NENF: variants seen among roughly 807,000 people sequenced by gnomAD.
NENF encodes neudesin.
A neutral mutation model predicts 14.8 loss-of-function variants in NENF; 6 were observed. The ratio of observed to expected loss-of-function variants is 0.40; its 90% confidence interval spans 0.22 to 0.80. NENF has a LOEUF of 0.80. Among genes scored for constraint, NENF ranks in the 30% least tolerant of loss-of-function variants. The pLI is 0.34. For missense variants in NENF, 184 were observed against 212.7 expected (o/e 0.87, Z 0.84); for synonymous variants, 76 against 95.1 (o/e 0.80, Z 1.17).
rs1365733385 is a variant in NENF at position 212,433,888 on chromosome 1, C to T, written c.177+768C>T. ...TGATATTAGATGTGGAGCGGGGGAA[C>T]GGCATTGGGGGGAGGTCATAGTACC... On this transcript the variant is annotated intron_variant, in intron 1 of 3. Coordinates refer to ENST00000366988, the MANE Select transcript of NENF (RefSeq NM_013349.5). The surrounding 1 kb of genome is among the most constrained non-coding windows in gnomAD (Gnocchi z 5.5). Among the ~76,000 whole-genome samples the T allele has an allele frequency of 1.3e-5, 2 of 152,048 alleles. No homozygotes were observed. Among genetic ancestry groups the T allele is most frequent in the African/African-American group, 4.8e-5 (2 of 41,386 alleles).
Position 212,433,010 on chromosome 1 carries a change from G to T in NENF, c.67G>T (p.Ala23Ser). 8.6e-7 allele frequency: 1 copy of T among 1,166,444 alleles called. No individual in the cohort carries two copies. Among genetic ancestry groups the T allele is most frequent in the Non-Finnish European group, 1.1e-6 (1 of 945,538 alleles). 72.3% of individuals were successfully genotyped at this position (1,166,444 alleles called of 1,614,324 possible). Residue 23 changes from alanine (A) to serine (S), a missense_variant, in exon 1 of 4, where the codon GCC (alanine) becomes TCC (serine). Ala to Ser is a moderately conservative substitution (Grantham distance 99). Coordinates refer to ENST00000366988, the MANE Select transcript of NENF (RefSeq NM_013349.5). This position sits in a 1 kb window ranked among gnomAD's most constrained non-coding sequence, Gnocchi z 5.5. Reference sequence around the variant, plus strand: ...AGCGCTGGCCCTGGTCCTGGCGCTGGCCCCGGGGCTGCCCACAGCCCGGGC... The same window carrying T: ...AGCGCTGGCCCTGGTCCTGGCGCTGTCCCCGGGGCTGCCCACAGCCCGGGC... ...LAALALVLAL[A>S]PGLPTARAGQ...
In NENF at chr1:212,443,467, G is replaced by A. The variant is rs566168302; in HGVS notation, c.238+842G>A. On this transcript the variant is annotated intron_variant, in intron 2 of 3. Coordinates refer to ENST00000366988, the MANE Select transcript of NENF (RefSeq NM_013349.5). The stretch of plus-strand genomic sequence containing the variant: ...GTCGCCCAGGTTAGAGTGCAGTGAT[G>A]CGACCTTCTCCAGCTGCCAGGTTCA... Among the ~76,000 whole-genome samples the A allele has an allele frequency of 3.3e-5, 5 of 152,058 alleles. No homozygotes were observed. The South Asian group carries it at 8.3e-4, about 25-fold the overall frequency.
intron 2 of NENF, among the ~76,000 whole-genome samples, chr1:212,443,372 A>G (rs931712312): frequency 6.6e-6 from 1 of 152,166 alleles, no homozygotes; most frequent in African/African-American, 2.4e-5. Context: ...GGCTTCCACC[A>G]ACATTTAAGA....
intron 1 of NENF, among the ~76,000 whole-genome samples, chr1:212,439,664 T>G (rs1358917021): frequency 8.2e-6 from 1 of 121,820 alleles, no homozygotes; most frequent in Non-Finnish European, 1.6e-5. Context: ...GCCAACATGG[T>G]GAAACCTGTC....
At chr1:212,441,385 A>G (rs992567181) in intron 1 of NENF, among the ~76,000 whole-genome samples, 1 of 152,214 alleles carries the variant, frequency 6.6e-6, no homozygotes, top group Non-Finnish European at 1.5e-5. Flanking sequence ...TGATAGAAAC[A>G]TGTATTCATA....
intron 1 of NENF, among the ~76,000 whole-genome samples, chr1:212,436,924 CAA>C (rs35648109): frequency 5.1e-4 from 42 of 81,814 alleles, no homozygotes; most frequent in Admixed American, 9.3e-4. Flanking sequence ...TCACCTCTAC[CAA>C]AAAAAAAAAA....
chr1:212,443,921 A>G (rs1250360281), intron 2 of NENF, among the ~76,000 whole-genome samples: 5 of 151,796 alleles, frequency 3.3e-5, no homozygotes, highest in African/African-American at 1.2e-4. Flanking sequence ...TGGTGGTGGC[A>G]CATGCCTGTA....
At chr1:212,444,214 C>A (rs537058895) in intron 2 of NENF, 125 bp from the exon 3 acceptor site, 22 of 496,192 alleles carry the variant, frequency 4.4e-5, no homozygotes, top group Non-Finnish European at 1.0e-5. Flanking sequence ...ATTGTTTGGC[C>A]TCTCCGTGAG....
chr1:212,441,007 G>A (rs1048032978), intron 1 of NENF, among the ~76,000 whole-genome samples: 3 of 152,128 alleles, frequency 2.0e-5, no homozygotes, highest in African/African-American at 7.2e-5. Flanking sequence ...TCTTGGGACT[G>A]TACCCATCGT....
chr1:212,439,321 T>C (rs562681071), intron 1 of NENF, among the ~76,000 whole-genome samples: 13 of 151,598 alleles, frequency 8.6e-5, no homozygotes, highest in African/African-American at 2.2e-4. Context: ...TCACCTCACG[T>C]TGGGAGTTCA....
intron 1 of NENF, among the ~76,000 whole-genome samples, chr1:212,435,538 G>GT (rs869304642): frequency 6.9e-6 from 1 of 144,022 alleles, no homozygotes; most frequent in Non-Finnish European, 1.5e-5. Context: ...CAAAACTACA[G>GT]TTTTTTTCCT....
rs1247486026 is a variant in NENF, at chr1:212,445,883, G to A, written c.396G>A (p.Val132=). 3.1e-6 allele frequency: 5 copies of A among 1,614,138 alleles called. No individual in the cohort carries two copies. The South Asian group carries it at 5.5e-5, about 18-fold the overall frequency. ...CCCTGGATGAGGTCTTCACCAAAGTGTACAAAGCCAAATACCCCATCGTCG... is the reference window on the plus strand; with the variant it reads ...CCCTGGATGAGGTCTTCACCAAAGTATACAAAGCCAAATACCCCATCGTCG... ...LEALDEVFTK[V]YKAKYPIVGY... The change falls in exon 4 of 4, where the codon GTG becomes GTA. Residue 132 remains valine (V), a synonymous_variant. Transcript: ENST00000366988.
rs1209683066 is a variant in NENF, at chr1:212,433,915, T to C, written c.177+795T>C. Among the ~76,000 whole-genome samples, 2 of 152,066 alleles carry C rather than the reference T, an allele frequency of 1.3e-5. No homozygotes were observed. The highest frequency in any genetic ancestry group is 6.5e-5 in the Admixed American group (1 of 15,270). On this transcript the variant is annotated intron_variant, in intron 1 of 3. Transcript: ENST00000366988. This position sits in a 1 kb window ranked among gnomAD's most constrained non-coding sequence, Gnocchi z 5.5. ...GCATTGGGGGGAGGTCATAGTACCA[T>C]AGTATTTCAGAGCTGGCAGGAACCC...
In NENF at chr1:212,433,437, G is replaced by A. The variant is rs1192866420; in HGVS notation, c.177+317G>A. Among the ~76,000 whole-genome samples the A allele has an allele frequency of 1.3e-5, 2 of 152,078 alleles. No homozygotes were observed. Among genetic ancestry groups the A allele is most frequent in the Admixed American group, 1.3e-4 (2 of 15,272 alleles). On this transcript the variant is annotated intron_variant, in intron 1 of 3. Coordinates refer to ENST00000366988, the MANE Select transcript of NENF (RefSeq NM_013349.5). This position sits in a 1 kb window ranked among gnomAD's most constrained non-coding sequence, Gnocchi z 5.5. The stretch of plus-strand genomic sequence containing the variant: ...TGCGTACAGACCTCAGAACTTTTTG[G>A]TTTTCATGTTAGCATCAGCCGAGGC...
At chr1:212,444,519 G>T in intron 3 of NENF, 77 bp downstream of exon 3, 2 of 34,958 alleles carry the variant, frequency 5.7e-5, no homozygotes, top group Non-Finnish European at 5.5e-5. Flanking sequence ...TTTTCTTTTC[G>T]TGTGTGTGTG....
intron 2 of NENF, among the ~76,000 whole-genome samples, 172 bp downstream of exon 2, chr1:212,442,797 C>T (rs766651265): frequency 6.6e-5 from 10 of 152,102 alleles, no homozygotes; most frequent in Non-Finnish European, 1.3e-4. Context: ...GGCTGGAGTG[C>T]GGTGGCACGA....
chr1:212,440,228 G>A (rs796163586), intron 1 of NENF, among the ~76,000 whole-genome samples: 30 of 129,942 alleles, frequency 2.3e-4, no homozygotes, highest in African/African-American at 9.0e-4. Context: ...CTCCAGTCTG[G>A]GTGACAGAGT....
chr1:212,438,381 G>T (rs571875639), intron 1 of NENF, among the ~76,000 whole-genome samples: 123 of 152,288 alleles, frequency 8.1e-4, no homozygotes, highest in African/African-American at 2.8e-3. Flanking sequence ...AAGGGCAAAG[G>T]CTTAGAATCA....
intron 2 of NENF, among the ~76,000 whole-genome samples, chr1:212,442,902 G>A (rs1662719668): frequency 6.6e-6 from 1 of 151,928 alleles, no homozygotes; most frequent in Non-Finnish European, 1.5e-5. Context: ...CACCACCGCT[G>A]GCTAATTTTT....
Sources: gnomAD v4.1 joint callset for allele counts (sites outside exome capture counted in the v4.1 genomes callset) on GRCh38, gnomAD v4.1.1 for gene constraint, Gnocchi (gnomAD v3.1) non-coding constraint, MANE v1.5 for transcripts, NCBI Gene and HGNC (gene_info 2026-07-23, HGNC 2026-07-21) for gene names.